Variants in GPHN observed in about 807,000 individuals in gnomAD.
The protein encoded by GPHN is gephyrin.
GPHN carries 17 observed loss-of-function variants against 95.5 expected under a neutral mutation model. The observed-to-expected ratio is 0.18, with a 90% CI of 0.12 to 0.27. The LOEUF (loss-of-function observed/expected upper bound fraction) is 0.27. Among genes scored for constraint, GPHN ranks in the 10% least tolerant of loss-of-function variants. GPHN has a pLI of 1.00. For synonymous variants in GPHN, 320 were observed against 322.5 expected (o/e 0.99, Z 0.08); for missense variants, 660 against 978.1 (o/e 0.67, Z 4.34).
At chr14:66,894,642 A>G (rs1567070923) in intron 5 of GPHN, among the ~76,000 whole-genome samples, 1 of 152,236 alleles carries the variant, frequency 6.6e-6, no homozygotes, top group Non-Finnish European at 1.5e-5. Flanking sequence ...CAGAATCTAC[A>G]AAGCACTCAA....
At chr14:67,129,598 T>C (rs1341112679) in intron 17 of GPHN, among the ~76,000 whole-genome samples, 1 of 152,196 alleles carries the variant, frequency 6.6e-6, no homozygotes, top group Non-Finnish European at 1.5e-5. Flanking sequence ...ACTTGACAGA[T>C]AACTAATGTA....
the GPHN span, among the ~76,000 whole-genome samples, chr14:67,309,208 C>CT: frequency 6.6e-6 from 1 of 151,968 alleles, no homozygotes; most frequent in African/African-American, 2.4e-5. Context: ...TTTAAAGGGG[C>CT]TTTTTTTGTT....
chr14:67,264,853 C>T, the GPHN span, among the ~76,000 whole-genome samples: 1 of 152,054 alleles, frequency 6.6e-6, no homozygotes, highest in Admixed American at 6.6e-5. Context: ...TGTTAAGTCT[C>T]AAGTTTACAT....
the GPHN span, among the ~76,000 whole-genome samples, chr14:67,442,681 G>T: frequency 1.3e-4 from 20 of 152,280 alleles, 1 homozygote; most frequent in Admixed American, 9.2e-4. Flanking sequence ...GGACAGCAAA[G>T]GTAAACAACA....
intron 18 of GPHN, among the ~76,000 whole-genome samples, chr14:67,156,802 C>T (rs2081612537): frequency 6.6e-6 from 1 of 151,836 alleles, no homozygotes; most frequent in Admixed American, 6.6e-5. Context: ...CGTAATGAAA[C>T]CTCGTCTCTA....
At chr14:66,726,884 A>G (rs1356281425) in intron 2 of GPHN, among the ~76,000 whole-genome samples, 8 of 152,254 alleles carry the variant, frequency 5.3e-5, no homozygotes, top group African/African-American at 1.9e-4. Context: ...AAAATATTGT[A>G]TAAAAATCAT....
the GPHN span, among the ~76,000 whole-genome samples, chr14:67,421,406 G>T: frequency 6.6e-6 from 1 of 152,170 alleles, no homozygotes; most frequent in Non-Finnish European, 1.5e-5. Context: ...CTTTACAGGG[G>T]AGGAAGTTGA....
chr14:67,333,897 G>C, the GPHN span: 3 of 152,524 alleles, frequency 2.0e-5, no homozygotes, highest in Non-Finnish European at 4.4e-5. Flanking sequence ...GCATTTTTAT[G>C]TATGAGCACA....
At chr14:67,203,316 T>G in the GPHN span, 2 of 1,534,102 alleles carry the variant, frequency 1.3e-6, no homozygotes, top group African/African-American at 1.4e-5. Context: ...GAGAAGAGGT[T>G]AAAGATCTCT....
the GPHN span, among the ~76,000 whole-genome samples, chr14:67,391,150 T>C: frequency 3.0e-4 from 45 of 152,220 alleles, 1 homozygote; most frequent in Admixed American, 2.2e-3. Flanking sequence ...CAGCTACATG[T>C]ATATTTGTCA....
chr14:67,491,525 G>A, the GPHN span, among the ~76,000 whole-genome samples: 1 of 152,154 alleles, frequency 6.6e-6, no homozygotes, highest in African/African-American at 2.4e-5. Flanking sequence ...AATAACAAAA[G>A]ACATTCCTTT....
At chr14:66,817,972 G>C (rs993430976) in intron 3 of GPHN, among the ~76,000 whole-genome samples, 2 of 152,102 alleles carry the variant, frequency 1.3e-5, no homozygotes, top group Non-Finnish European at 2.9e-5. Context: ...TACAATGACT[G>C]TATGACCATA....
the GPHN span, among the ~76,000 whole-genome samples, chr14:67,715,394 T>A: frequency 2.2e-4 from 33 of 152,380 alleles, 1 homozygote; most frequent in South Asian, 1.0e-3. Flanking sequence ...ACATTTTGTC[T>A]AAGAGGCATT....
chr14:67,294,292 C>T, the GPHN span: 3 of 151,906 alleles, frequency 2.0e-5, no homozygotes, highest in South Asian at 4.1e-4. Context: ...CCTTTCAGTA[C>T]ATTATACTTG....
chr14:67,590,299 C>T, the GPHN span: 2 of 693,974 alleles, frequency 2.9e-6, no homozygotes, highest in Non-Finnish European at 4.4e-6. Flanking sequence ...GTTGCCCAGG[C>T]TGGAGTGCAG....
chr14:66,882,404 T>TA (rs1358458351), intron 5 of GPHN, among the ~76,000 whole-genome samples: 2 of 151,804 alleles, frequency 1.3e-5, no homozygotes, highest in African/African-American at 4.8e-5. Flanking sequence ...CAGCATTAGA[T>TA]AAAAACAAAT....
At chr14:66,592,056 G>A (rs891413352) in intron 1 of GPHN, among the ~76,000 whole-genome samples, 1 of 152,126 alleles carries the variant, frequency 6.6e-6, no homozygotes, top group African/African-American at 2.4e-5. Flanking sequence ...ATGGGGAAAC[G>A]ATTCCCTATT....
chr14:67,518,335 C>A, the GPHN span, among the ~76,000 whole-genome samples: 1 of 152,196 alleles, frequency 6.6e-6, no homozygotes, highest in Admixed American at 6.5e-5. Flanking sequence ...CTTTTCTCAG[C>A]CTATTTTTCT....
At chr14:67,242,060 C>T in the GPHN span, 5 of 152,170 alleles carry the variant, frequency 3.3e-5, no homozygotes, top group Admixed American at 3.3e-4. Context: ...AAAGAAAAGC[C>T]TAGTTTTGTT....
Sources: gnomAD v4.1 joint callset for allele counts (sites outside exome capture counted in the v4.1 genomes callset) on GRCh38, gnomAD v4.1.1 for gene constraint, MANE v1.5 for transcripts, NCBI Gene and HGNC (gene_info 2026-07-23, HGNC 2026-07-21) for gene names.